TERT: variants seen among roughly 807,000 people sequenced by gnomAD.
TERT encodes the protein telomerase reverse transcriptase.
Under a neutral mutation model 104.0 loss-of-function variants are expected in TERT, and 42 were observed. The observed-to-expected ratio is 0.40, with a 90% CI of 0.32 to 0.52. TERT has a LOEUF of 0.52. Ranked by LOEUF, TERT falls within the 20% of genes least tolerant of loss-of-function variation. The pLI is 0.43. For missense variants in TERT, 1,101 were observed against 1,610.3 expected, an observed-to-expected ratio of 0.68 and a Z score of 5.41; for synonymous variants, 781 against 725.6, an observed-to-expected ratio of 1.08 and a Z score of -1.23.
chr5:1,254,818 A>G (rs988784757), intron 14 of TERT, among the ~76,000 whole-genome samples: 2 of 152,114 alleles, frequency 1.3e-5, no homozygotes, highest in African/African-American at 4.8e-5. Context: ...GGTGACTGGG[A>G]AGCAGAGGAC....
At chr5:1,291,833 C>G (rs1751009877) in intron 2 of TERT, among the ~76,000 whole-genome samples, 1 of 152,220 alleles carries the variant, frequency 6.6e-6, no homozygotes, top group African/African-American at 2.4e-5. Flanking sequence ...CAGAGAACAG[C>G]AATGACAGGC....
intron 2 of TERT, among the ~76,000 whole-genome samples, chr5:1,283,241 T>C (rs1173539501): frequency 7.9e-6 from 1 of 126,510 alleles, no homozygotes; most frequent in Non-Finnish European, 1.6e-5. Context: ...ACCCCGGACC[T>C]GCACCATCCG....
rs35083412 is a variant in TERT at position 1,255,507 on chromosome 5, T to G, written c.3033-96A>C. The G allele has an allele frequency of 2.3e-5, 34 of 1,501,510 alleles. No homozygotes were observed. The African/African-American group carries it at 4.4e-4, about 19-fold the overall frequency. 93.0% of individuals were successfully genotyped at this position (1,501,510 alleles called of 1,614,324 possible). A position where few individuals can be genotyped will look rare whatever the true frequency, so the allele number is the denominator to read the frequency against. ...GCCCACCGGTGCCTGTGTGCGTGCATGAATGCACATGCATGGGTTTCCTCA... is the reference window on the plus strand; with the variant it reads ...GCCCACCGGTGCCTGTGTGCGTGCAGGAATGCACATGCATGGGTTTCCTCA... On this transcript the variant is annotated intron_variant, in intron 13 of 15. Transcript: ENST00000310581. The surrounding 1 kb of genome is among the most constrained non-coding windows in gnomAD (Gnocchi z 6.9).
chr5:1,260,570 G>A lies in TERT; in HGVS notation c.2874C>T (p.Leu958=). Residue 958 remains leucine, a synonymous_variant, in exon 12 of 16, where the codon CTC becomes CTT. Transcript: ENST00000310581. ...CAGCCTTGAAGCCGCGGTTGAAGGTGAGACTGGCTCTGATGGAGGTCCGGG... is the reference window on the plus strand; with the variant it reads ...CAGCCTTGAAGCCGCGGTTGAAGGTAAGACTGGCTCTGATGGAGGTCCGGG... ...SYARTSIRAS[L]TFNRGFKAGR... is the part of the protein sequence containing the mutation. 1.2e-6 allele frequency: 2 copies of A among 1,614,160 alleles called. No individual in the cohort carries two copies. Among genetic ancestry groups the A allele is most frequent in the Non-Finnish European group, 1.7e-6 (2 of 1,180,004 alleles).
intron 4 of TERT, 101 bp from the exon 5 acceptor site, chr5:1,279,571 C>A (rs1749873853): frequency 4.9e-6 from 6 of 1,212,326 alleles, no homozygotes; most frequent in Non-Finnish European, 7.1e-6. Flanking sequence ...CCCAGTGTCC[C>A]CAGCCACCCA....
Position 1,255,561 on chromosome 5 carries a change from T to A in TERT, c.3033-150A>T. 1 of 943,434 alleles carries A rather than the reference T, an allele frequency of 1.1e-6. No homozygotes were observed. The highest frequency in any genetic ancestry group is 1.4e-5 in the South Asian group (1 of 73,012). The allele number at this position is 943,434 out of a possible 1,614,324, so 58.4% of individuals were successfully genotyped here. ...GCACAGGTGCACACACACGGATGCA[T>A]GCATGCATGTCTGTGTGTGTGCTTG... On this transcript the variant is annotated intron_variant, in intron 13 of 15. Transcript: ENST00000310581. The surrounding 1 kb of genome is among the most constrained non-coding windows in gnomAD (Gnocchi z 6.9).
chr5:1,280,031 G>T, intron 4 of TERT, 127 bp downstream of exon 4: 1 of 1,261,758 alleles, frequency 7.9e-7, no homozygotes, highest in Non-Finnish European at 1.2e-6. Context: ...CAAATGGGTT[G>T]GCGCCGTGCC....
chr5:1,272,424 G>A, intron 6 of TERT, 144 bp from the exon 7 acceptor site: 2 of 824,858 alleles, frequency 2.4e-6, no homozygotes, highest in South Asian at 2.9e-5. Context: ...GGAAGCTTCT[G>A]TTTGGGAAAC....
Position 1,265,374 on chromosome 5 carries a change from C to T in TERT, c.2655-782G>A, listed in dbSNP as rs114693335. Among the ~76,000 whole-genome samples, 561 of 152,276 alleles carry T rather than the reference C, an allele frequency of 3.7e-3. 1 individual carries two copies. Among genetic ancestry groups the T allele is most frequent in the African/African-American group, 0.013 (530 of 41,556 alleles). Reference sequence around the variant, plus strand: ...GCCACCCCTTCCTGTTACATGGCTGCCGACTCATCAGAGACAGAGTTCTGC... The same window carrying T: ...GCCACCCCTTCCTGTTACATGGCTGTCGACTCATCAGAGACAGAGTTCTGC... On this transcript the variant is annotated intron_variant, in intron 10 of 15. Coordinates refer to ENST00000310581, the MANE Select transcript of TERT (RefSeq NM_198253.3). The surrounding 1 kb of genome is among the most constrained non-coding windows in gnomAD (Gnocchi z 6.9).
In TERT at chr5:1,261,079, C is replaced by T. The variant is rs1285620038; in HGVS notation, c.2844-479G>A. On this transcript the variant is annotated intron_variant, in intron 11 of 15. Coordinates refer to ENST00000310581, the MANE Select transcript of TERT (RefSeq NM_198253.3). The surrounding 1 kb of genome is among the most constrained non-coding windows in gnomAD (Gnocchi z 7.4). ...GCTAAACAGGGCTCCAGTGAGTGCA[C>T]GTGGCACACATGGTGTCTCCAGAGG... Among the ~76,000 whole-genome samples, 3 of 152,124 alleles carry T rather than the reference C, an allele frequency of 2.0e-5. No individual in the cohort carries two copies. Among genetic ancestry groups the T allele is most frequent in the East Asian group, 1.9e-4 (1 of 5,186 alleles).
chr5:1,290,638 A>C (rs1201338733), intron 2 of TERT, among the ~76,000 whole-genome samples: 69 of 41,432 alleles, frequency 1.7e-3, no homozygotes, highest in Admixed American at 4.4e-3. Flanking sequence ...ACCCGGGGAC[A>C]GTGCCTCACT....
chr5:1,279,202 G>A, intron 5 of TERT, 89 bp downstream of exon 5: 3 of 1,445,702 alleles, frequency 2.1e-6, no homozygotes, highest in Non-Finnish European at 2.8e-6. Flanking sequence ...GCCCACCCAG[G>A]AGTACCTCCT....
chr5:1,293,374 C>T lies in TERT; in HGVS notation c.1512G>A (p.Ser504=). Residue 504 remains serine, a synonymous_variant, in exon 2 of 16, where the codon TCG becomes TCA. Coordinates refer to ENST00000310581, the MANE Select transcript of TERT (RefSeq NM_198253.3). ...FISLGKHAKL[S]LQELTWKMSV... is the part of the protein sequence containing the mutation. ...TCATCTTCCACGTCAGCTCCTGCAG[C>T]GAGAGCTTGGCATGCTTCCCCAGGG... The T allele has an allele frequency of 6.2e-7, 1 of 1,613,386 alleles. No individual in the cohort carries two copies. Among genetic ancestry groups the T allele is most frequent in the Non-Finnish European group, 8.5e-7 (1 of 1,180,020 alleles).
chr5:1,280,370 C>T (rs1749941237), intron 3 of TERT, 32 bp from the exon 4 acceptor site: 1 of 1,606,798 alleles, frequency 6.2e-7, no homozygotes, highest in Non-Finnish European at 8.5e-7. Context: ...GAGGCTTGCT[C>T]AGCCAGACAA....
At chr5:1,264,095 G>A (rs777559593) in intron 11 of TERT, among the ~76,000 whole-genome samples, 1 of 152,218 alleles carries the variant, frequency 6.6e-6, no homozygotes, top group Non-Finnish European at 1.5e-5. Context: ...CTCACGCCCA[G>A]CAGGGCCCGG....
intron 15 of TERT, 144 bp from the exon 16 acceptor site, chr5:1,253,975 C>G: frequency 1.1e-6 from 1 of 926,656 alleles, no homozygotes; most frequent in Non-Finnish European, 1.7e-6. Flanking sequence ...GGACAGACAC[C>G]CCTCCACCGG....
Position 1,272,402 on chromosome 5 carries a change from A to C in TERT, c.2287-122T>G, listed in dbSNP as rs1287406446. ...CAAGCCCGATGGCGGGATGAAGCCCAGAGAGCGCCTGGGAAGCTTCTGTTT... is the reference window on the plus strand; with the variant it reads ...CAAGCCCGATGGCGGGATGAAGCCCCGAGAGCGCCTGGGAAGCTTCTGTTT... On this transcript the variant is annotated intron_variant, in intron 6 of 15. Coordinates refer to ENST00000310581, the MANE Select transcript of TERT (RefSeq NM_198253.3). 12 of 919,532 alleles carry C rather than the reference A, an allele frequency of 1.3e-5. No homozygotes were observed. In the Admixed American group the frequency reaches 2.4e-4, roughly 18 times the overall value. 57.0% of individuals were successfully genotyped at this position (919,532 alleles called of 1,614,324 possible). A position where few individuals can be genotyped will look rare whatever the true frequency, so the allele number is the denominator to read the frequency against.
At chr5:1,283,250 C>T (rs372688080) in intron 2 of TERT, among the ~76,000 whole-genome samples, 18 of 122,932 alleles carry the variant, frequency 1.5e-4, no homozygotes, top group Non-Finnish European at 2.0e-4. Context: ...CTGCACCATC[C>T]GACACCGCAT....
rs1040916510 is a variant in TERT at position 1,254,566 on chromosome 5, C to G, written c.3158-61G>C. ...AGCCCAGCTCCCCTCCCAGGAGACA[C>G]CGGAAAGCTGCCCACACCCGACGGT... On this transcript the variant is annotated intron_variant, in intron 14 of 15. Transcript: ENST00000310581. 1.8e-5 allele frequency: 28 copies of G among 1,554,026 alleles called. No homozygotes were observed. The African/African-American group carries it at 3.5e-4, about 20-fold the overall frequency.
Sources: allele counts gnomAD v4.1 joint callset (sites outside exome capture counted in the v4.1 genomes callset), GRCh38; gene constraint gnomAD v4.1.1; non-coding constraint Gnocchi (gnomAD v3.1); transcripts MANE v1.5; gene names NCBI Gene and HGNC (gene_info 2026-07-23, HGNC 2026-07-21).